Variants in ABCG5 observed in about 807,000 individuals in gnomAD.
The protein encoded by ABCG5 is ATP-binding cassette sub-family G member 5.
ABCG5 carries 64 observed loss-of-function variants against 64.5 expected under a neutral mutation model. The observed-to-expected ratio is 0.99, with a 90% CI of 0.81 to 1.22. The LOEUF (loss-of-function observed/expected upper bound fraction) is 1.22, where lower values mean the gene tolerates loss of function less well. Ranked by LOEUF, ABCG5 falls within the 50% of genes most tolerant of loss-of-function variation. The pLI is 0.00. For missense variants in ABCG5, 908 were observed against 829.5 expected (o/e 1.09, Z -1.16); for synonymous variants, 385 against 326.3 (o/e 1.18, Z -1.94).
intron 11 of ABCG5, among the ~76,000 whole-genome samples, chr2:43,816,371 G>A (rs189948908): frequency 1.3e-5 from 2 of 152,184 alleles, no homozygotes; most frequent in African/African-American, 2.4e-5. Context: ...AAAACAAAAG[G>A]GGCCTTCAAA....
At chr2:43,830,459 T>C (rs1459073610) in intron 4 of ABCG5, among the ~76,000 whole-genome samples, 1 of 152,222 alleles carries the variant, frequency 6.6e-6, no homozygotes, top group African/African-American at 2.4e-5. Flanking sequence ...TCTGAAGTGG[T>C]CCAGGAAGCC....
At chr2:43,818,590 C>T (rs940360136) in intron 11 of ABCG5, among the ~76,000 whole-genome samples, 2 of 152,114 alleles carry the variant, frequency 1.3e-5, no homozygotes, top group African/African-American at 4.8e-5. Context: ...GGAAATGCTG[C>T]CCAAGGTTGG....
At position 43,826,371 on chromosome 2, in the gene ABCG5, G is replaced by A; in HGVS notation, c.774+11C>T. 6.2e-7 allele frequency: 1 copy of A among 1,613,790 alleles called. No individual in the cohort carries two copies. The highest frequency in any genetic ancestry group is 8.5e-7 in the Non-Finnish European group (1 of 1,179,932). ...ACCATAGACCCGGCCTTTACGAGTT[G>A]AACCTCTTACCTGAAAAAGCTCAGA... On this transcript the variant is annotated intron_variant, in intron 6 of 12. Coordinates refer to ENST00000405322, the MANE Select transcript of ABCG5 (RefSeq NM_022436.3).
At chr2:43,839,139 G>T, upstream of ABCG5, 1 of 1,550,836 alleles carries the variant, frequency 6.4e-7, no homozygotes, top group Non-Finnish European at 8.7e-7. Context: ...TGGGAAGTCG[G>T]CCCAGGCCTG....
At chr2:43,821,881 T>C (rs1272023589) in intron 10 of ABCG5, among the ~76,000 whole-genome samples, 2 of 151,918 alleles carry the variant, frequency 1.3e-5, no homozygotes, top group African/African-American at 4.8e-5. Context: ...TCTCTCCCCC[T>C]CTCTTCCCGC....
intron 11 of ABCG5, 59 bp from the exon 12 acceptor site, chr2:43,814,648 T>A (rs1451864081): frequency 3.0e-6 from 3 of 1,001,148 alleles, no homozygotes; most frequent in Admixed American, 2.0e-5. Flanking sequence ...TCCTACCAAA[T>A]GAAAAGAAAG....
chr2:43,819,108 G>A (rs576001741), intron 11 of ABCG5, among the ~76,000 whole-genome samples: 1 of 152,206 alleles, frequency 6.6e-6, no homozygotes, highest in South Asian at 2.1e-4. Context: ...TAGATGCTCA[G>A]TAATGCTTTT....
At chr2:43,835,582 C>G (rs1668211827) in intron 2 of ABCG5, among the ~76,000 whole-genome samples, 1 of 152,174 alleles carries the variant, frequency 6.6e-6, no homozygotes, top group South Asian at 2.1e-4. Flanking sequence ...GCTATAGTCT[C>G]AATGTTTATG....
At chr2:43,822,961 A>G (rs1558739375) in intron 9 of ABCG5, 26 bp from the exon 10 acceptor site, 11 of 1,612,704 alleles carry the variant, frequency 6.8e-6, no homozygotes, top group South Asian at 1.1e-5. Flanking sequence ...AGGTTTCAGA[A>G]CAGTCAGTCA....
chr2:43,809,899 T>G, downstream of ABCG5: 1 of 1,430,782 alleles, frequency 7.0e-7, no homozygotes. Context: ...GCTGGATTTC[T>G]TGGACTAGTG....
chr2:43,825,057 G>C lies in ABCG5; in HGVS notation c.775-39C>G. 6 of 1,608,822 alleles carry C rather than the reference G, an allele frequency of 3.7e-6. No individual in the cohort carries two copies. The South Asian group carries it at 6.7e-5, about 18-fold the overall frequency. ...AGACGTAGTTAGTGTGTGATCACAA[G>C]GGTAGCGATGCACTTTGAATGTCTC... On this transcript the variant is annotated intron_variant, in intron 6 of 12. Transcript: ENST00000405322.
intron 10 of ABCG5, chr2:43,822,472 C>T: frequency 1.5e-6 from 1 of 677,288 alleles, no homozygotes; most frequent in South Asian, 6.9e-5. Context: ...TTCTCCCCTC[C>T]CCCAGGCCCC....
chr2:43,822,470 T>TGCC, intron 10 of ABCG5: 5 of 354,558 alleles, frequency 1.4e-5, no homozygotes, highest in Non-Finnish European at 1.1e-5. Context: ...CTTTCTCCCC[T>TGCC]CCCCCAGGCC....
intron 11 of ABCG5, among the ~76,000 whole-genome samples, chr2:43,816,220 T>C (rs139323169): frequency 1.3e-5 from 2 of 152,352 alleles, no homozygotes; most frequent in East Asian, 3.9e-4. Context: ...GCAGGCCTAA[T>C]TGGTCCAAGG....
downstream of ABCG5, chr2:43,809,795 T>A: frequency 1.9e-6 from 3 of 1,585,376 alleles, no homozygotes; most frequent in Non-Finnish European, 2.6e-6. Context: ...TATATTTATT[T>A]CTTCTTTTCC....
At chr2:43,815,875 A>G (rs945311635) in intron 11 of ABCG5, among the ~76,000 whole-genome samples, 5 of 144,860 alleles carry the variant, frequency 3.5e-5, no homozygotes, top group African/African-American at 1.3e-4. Flanking sequence ...AGCAAGAAGG[A>G]TGGCTAGAAT....
chr2:43,833,841 C>T (rs1444746583), intron 2 of ABCG5, among the ~76,000 whole-genome samples: 1 of 152,156 alleles, frequency 6.6e-6, no homozygotes, highest in Non-Finnish European at 1.5e-5. Context: ...TGTGCCACCA[C>T]ACCTGGCTAA....
chr2:43,819,801 G>T, intron 11 of ABCG5, 114 bp downstream of exon 11: 2 of 1,125,668 alleles, frequency 1.8e-6, no homozygotes, highest in South Asian at 2.6e-5. Context: ...TAGACTATAA[G>T]GTAATATCCA....
intron 2 of ABCG5, among the ~76,000 whole-genome samples, chr2:43,834,857 A>G (rs1668163029): frequency 6.6e-6 from 1 of 152,240 alleles, no homozygotes; most frequent in African/African-American, 2.4e-5. Flanking sequence ...ACTATACTCT[A>G]GTGAGACTTT....
Sources: allele counts gnomAD v4.1 joint callset (sites outside exome capture counted in the v4.1 genomes callset), GRCh38; gene constraint gnomAD v4.1.1; transcripts MANE v1.5; gene names NCBI Gene and HGNC (gene_info 2026-07-23, HGNC 2026-07-21).